The following SLC44A1 variants were observed in gnomAD, a reference collection of about 807,000 sequenced individuals.
SLC44A1 encodes the protein solute carrier family 44 member 1, also known as choline transporter-like protein 1.
In SLC44A1, 26 loss-of-function variants were observed where a neutral mutation model predicts 79.3. The ratio of observed to expected loss-of-function variants is 0.33; its 90% CI spans 0.24 to 0.46. The LOEUF (loss-of-function observed/expected upper bound fraction) is 0.46, where lower values mean the gene tolerates loss of function less well. Ranked by LOEUF, SLC44A1 falls within the 20% of genes least tolerant of loss-of-function variation. The pLI, the probability that SLC44A1 is intolerant of heterozygous loss-of-function variation, is 1.00. For synonymous variants in SLC44A1, 263 were observed against 286.2 expected, an observed-to-expected ratio of 0.92 and a Z score of 0.82; for missense variants, 688 against 798.1, an observed-to-expected ratio of 0.86 and a Z score of 1.66.
rs769750343 is a variant in SLC44A1 at position 105,348,456 on chromosome 9, A to G, written c.500+5A>G. On this transcript the variant is annotated splice_donor_5th_base_variant and intron_variant, in intron 5 of 15. Coordinates refer to ENST00000374720, the MANE Select transcript of SLC44A1 (RefSeq NM_080546.5). Reference sequence around the variant, plus strand: ...CAAACTACCAGTTCCAGCGAGGTAAATTTTATTGCAAAGTTGTTAACTTGT... The same window carrying G: ...CAAACTACCAGTTCCAGCGAGGTAAGTTTTATTGCAAAGTTGTTAACTTGT... 1.3e-5 allele frequency: 20 copies of G among 1,541,768 alleles called. No individual in the cohort carries two copies. Among genetic ancestry groups the G allele is most frequent in the Admixed American group, 8.4e-5 (5 of 59,740 alleles).
intron 9 of SLC44A1, 37 bp from the exon 10 acceptor site, chr9:105,364,518 T>C: frequency 6.3e-7 from 1 of 1,579,512 alleles, no homozygotes; most frequent in Non-Finnish European, 8.6e-7. Context: ...ATTTGTACTT[T>C]ATGTGCTTCT....
chr9:105,307,572 A>G (rs1238163106), intron 2 of SLC44A1, among the ~76,000 whole-genome samples: 1 of 151,750 alleles, frequency 6.6e-6, no homozygotes, highest in African/African-American at 2.4e-5. Context: ...TGAACCTGGA[A>G]GGCAGAGGTT....
chr9:105,404,937 A>G (rs1829009564), intron 15 of SLC44A1, among the ~76,000 whole-genome samples: 1 of 152,232 alleles, frequency 6.6e-6, no homozygotes, highest in South Asian at 2.1e-4. Context: ...TAGCTAACAG[A>G]TATTTAATGA....
chr9:105,274,571 G>A (rs1830156976), intron 1 of SLC44A1, among the ~76,000 whole-genome samples: 1 of 152,178 alleles, frequency 6.6e-6, no homozygotes, highest in Non-Finnish European at 1.5e-5. Context: ...AGTGTTTCAT[G>A]TCACCTACCT....
chr9:105,310,672 A>G (rs773093910), intron 3 of SLC44A1, among the ~76,000 whole-genome samples: 16 of 152,224 alleles, frequency 1.1e-4, no homozygotes, highest in Non-Finnish European at 1.8e-4. Context: ...TTATAGGTCT[A>G]TTATAAAGCA....
Position 105,395,804 on chromosome 9 carries a change from T to C in SLC44A1, c.*6748T>C, listed in dbSNP as rs1828864521. ...CATTGAAAAGAAGACTTGGGAATAA[T>C]TGGGCAGATAGAATGGGTTCCATGG... On this transcript the variant is annotated 3_prime_UTR_variant, in exon 16 of 16. Coordinates refer to ENST00000374720, the MANE Select transcript of SLC44A1 (RefSeq NM_080546.5). 1.0e-5 allele frequency: 10 copies of C among 985,146 alleles called. No homozygotes were observed. The highest frequency in any genetic ancestry group is 1.1e-5 in the Non-Finnish European group (9 of 829,796). The allele number at this position is 985,146 out of a possible 1,614,324, so 61.0% of individuals were successfully genotyped here.
At chr9:105,334,321 G>T (rs1318754946) in intron 3 of SLC44A1, among the ~76,000 whole-genome samples, 1 of 151,134 alleles carries the variant, frequency 6.6e-6, no homozygotes, top group Non-Finnish European at 1.5e-5. Flanking sequence ...GAAGTGTGCA[G>T]TGTTACTTGA....
intron 3 of SLC44A1, among the ~76,000 whole-genome samples, chr9:105,330,695 G>A (rs1417811226): frequency 3.9e-5 from 6 of 152,092 alleles, no homozygotes; most frequent in Non-Finnish European, 7.3e-5. Context: ...ATTTTATTCA[G>A]ACATCTCTCC....
chr9:105,298,221 T>A (rs1830781160), intron 1 of SLC44A1, among the ~76,000 whole-genome samples: 1 of 152,224 alleles, frequency 6.6e-6, no homozygotes, highest in South Asian at 2.1e-4. Context: ...AAACTAACAT[T>A]TTCTAGGAAC....
rs541665360 is a variant in SLC44A1 at position 105,345,344 on chromosome 9, T to C, written c.407-3014T>C. Among the ~76,000 whole-genome samples the C allele has an allele frequency of 1.4e-3, 216 of 152,314 alleles. 1 individual carries two copies. Among genetic ancestry groups the C allele is most frequent in the Middle Eastern group, 0.014 (4 of 294 alleles). On this transcript the variant is annotated intron_variant, in intron 4 of 15. Transcript: ENST00000374720. ...TATGTTTCACGGATGTTGGAACCAT[T>C]AGCCAGGACAGAAAATATAAAATCA... is the stretch of plus-strand genomic sequence containing the variant.
Position 105,351,565 on chromosome 9 carries a change from AG to A in SLC44A1, c.500+3115del, listed in dbSNP as rs1564452542. 2.0e-4 allele frequency among the ~76,000 whole-genome samples: 25 copies of A among 122,926 alleles called. 2 individuals carry two copies. Among genetic ancestry groups the A allele is most frequent in the African/African-American group, 9.3e-4 (25 of 26,916 alleles). The allele number at this position is 122,926 out of a possible 152,430, so 80.6% of individuals were successfully genotyped here. A position where few individuals can be genotyped will look rare whatever the true frequency, so the allele number is the denominator to read the frequency against. ...GAAAGAAAGAAAGAAAGAGAGAAAGAGAGAAAGAGAGAAAGAGAGAAAGAGA... is the reference window on the plus strand; with the variant it reads ...GAAAGAAAGAAAGAAAGAGAGAAAGAAGAAAGAGAGAAAGAGAGAAAGAGA... On this transcript the variant is annotated intron_variant, in intron 5 of 15. Coordinates refer to ENST00000374720, the MANE Select transcript of SLC44A1 (RefSeq NM_080546.5).
chr9:105,422,281 CTTTTTTTTT>C (rs554922812), intron 15 of SLC44A1, among the ~76,000 whole-genome samples: 1 of 95,928 alleles, frequency 1.0e-5, no homozygotes, highest in South Asian at 3.8e-4. Flanking sequence ...CTGCTCCATC[CTTTTTTTTT>C]TTTTTTTTTT....
rs1445732016 is a variant in SLC44A1, at chr9:105,415,103, A to G, written c.1951-23178A>G. 3.3e-5 allele frequency among the ~76,000 whole-genome samples: 5 copies of G among 152,340 alleles called. No homozygotes were observed. The East Asian group carries it at 5.8e-4, about 18-fold the overall frequency. On this transcript the variant is annotated intron_variant, in intron 15 of 15. Coordinates refer to the SLC44A1 transcript ENST00000374724. ...CTGCACAACTTTGTGAAGGTAGCCA[A>G]GGGTAACTGGGAAGTTATTAAGGGC... is the stretch of plus-strand genomic sequence containing the variant.
intron 4 of SLC44A1, among the ~76,000 whole-genome samples, chr9:105,345,839 T>C (rs1827231244): frequency 6.6e-6 from 1 of 152,148 alleles, no homozygotes; most frequent in Admixed American, 6.6e-5. Flanking sequence ...TTGCATGGAT[T>C]GCCTCTGGTG....
intron 1 of SLC44A1, among the ~76,000 whole-genome samples, chr9:105,254,985 C>T (rs745697575): frequency 6.6e-6 from 1 of 151,734 alleles, no homozygotes; most frequent in Non-Finnish European, 1.5e-5. Flanking sequence ...TATTTTTTTT[C>T]CACCTCCAGC....
At chr9:105,255,101 G>GT (rs74312883) in intron 1 of SLC44A1, among the ~76,000 whole-genome samples, 1,610 of 111,714 alleles carry the variant, frequency 0.014, 12 homozygotes, top group African/African-American at 0.026. Context: ...AGGTTTTTTT[G>GT]TTTTTTTTTT....
At chr9:105,336,163 T>C (rs1193976977) in intron 4 of SLC44A1, among the ~76,000 whole-genome samples, 2 of 151,898 alleles carry the variant, frequency 1.3e-5, no homozygotes, top group East Asian at 3.9e-4. Flanking sequence ...TGTGTGTGTG[T>C]ATCTCCCTGG....
In SLC44A1 at chr9:105,323,215, CAAA is replaced by C. The variant is rs575818228; in HGVS notation, c.270-12330_270-12328del. Among the ~76,000 whole-genome samples the C allele has an allele frequency of 3.3e-3, 256 of 76,612 alleles. 2 individuals are homozygous for C. The highest frequency in any genetic ancestry group is 8.5e-3 in the African/African-American group (238 of 27,842). 50.3% of individuals were successfully genotyped at this position (76,612 alleles called of 152,430 possible). On this transcript the variant is annotated intron_variant, in intron 3 of 15. Transcript: ENST00000374720. Reference sequence around the variant, plus strand: ...TGGGCAACAGAGTGAAACTCCATCTCAAAAAAAAAAAAAAAAAAAAGAAAGAAA... The same window carrying C: ...TGGGCAACAGAGTGAAACTCCATCTCAAAAAAAAAAAAAAAAAGAAAGAAA...
intron 12 of SLC44A1, 52 bp downstream of exon 12, chr9:105,366,481 T>C: frequency 1.3e-6 from 1 of 794,898 alleles, no homozygotes; most frequent in Non-Finnish European, 1.9e-6. Context: ...ATAGGTTCAT[T>C]GTTTCTTCTC....
Sources: gnomAD v4.1 joint callset for allele counts (sites outside exome capture counted in the v4.1 genomes callset) on GRCh38, gnomAD v4.1.1 for gene constraint, MANE v1.5 for transcripts, NCBI Gene and HGNC (gene_info 2026-07-23, HGNC 2026-07-21) for gene names.